The following PTPRD variants were observed in gnomAD, a reference collection of about 807,000 sequenced individuals.
The protein encoded by PTPRD is receptor-type tyrosine-protein phosphatase delta.
A neutral mutation model predicts 214.5 loss-of-function variants in PTPRD; 34 were observed. The observed-to-expected ratio is 0.16, with a 90% CI of 0.12 to 0.21. The LOEUF (loss-of-function observed/expected upper bound fraction) is 0.21. Among genes scored for constraint, PTPRD ranks in the 10% least tolerant of loss-of-function variants. The pLI, the probability that PTPRD is intolerant of heterozygous loss-of-function variation, is 1.00. For missense variants in PTPRD, 2,545 were observed against 2,398.7 expected, an observed-to-expected ratio of 1.06 and a Z score of -1.27; for synonymous variants, 1,128 against 845.7, an observed-to-expected ratio of 1.33 and a Z score of -5.79.
intron 2 of PTPRD, among the ~76,000 whole-genome samples, chr9:10,477,028 C>T (rs533240758): frequency 6.6e-5 from 10 of 152,046 alleles, no homozygotes; most frequent in East Asian, 3.9e-4. Flanking sequence ...CCTTAAAAAC[C>T]GTAGAAGGAA....
rs555074755 is a variant in PTPRD at position 9,234,355 on chromosome 9, G to T, written c.-202-50992C>A. On this transcript the variant is annotated intron_variant, in intron 9 of 45. Transcript: ENST00000381196. ...GATGCATAGAGTGGGCGGGCCCTGG[G>T]CCCAGCCCATGAAACCATTTTTTCC... 2.3e-4 allele frequency among the ~76,000 whole-genome samples: 35 copies of T among 152,234 alleles called. No homozygotes were observed. In the South Asian group the frequency reaches 5.4e-3, roughly 23 times the overall value.
At chr9:8,933,703 C>T (rs2098970071) in intron 11 of PTPRD, among the ~76,000 whole-genome samples, 1 of 152,112 alleles carries the variant, frequency 6.6e-6, no homozygotes, top group African/African-American at 2.4e-5. Context: ...ACCTCTTAGT[C>T]TTTCAGCCAA....
intron 8 of PTPRD, among the ~76,000 whole-genome samples, chr9:9,493,340 A>G (rs2096007326): frequency 6.6e-6 from 1 of 152,154 alleles, no homozygotes; most frequent in Non-Finnish European, 1.5e-5. Flanking sequence ...TTCTTTCCAA[A>G]TATTCTGTTA....
chr9:8,513,508 G>C (rs1396504631), intron 21 of PTPRD, among the ~76,000 whole-genome samples: 1 of 152,086 alleles, frequency 6.6e-6, no homozygotes, highest in South Asian at 2.1e-4. Flanking sequence ...GTACCTTTTA[G>C]ACACAGAAGA....
intron 7 of PTPRD, among the ~76,000 whole-genome samples, chr9:9,702,762 G>A (rs2097528787): frequency 6.6e-6 from 1 of 152,142 alleles, no homozygotes. Flanking sequence ...AAAAAGAGCA[G>A]TAAAGATAAT....
At chr9:10,318,908 A>G (rs1565261821) in intron 3 of PTPRD, among the ~76,000 whole-genome samples, 2 of 152,076 alleles carry the variant, frequency 1.3e-5, no homozygotes, top group African/African-American at 4.8e-5. Flanking sequence ...GATTCTACTC[A>G]TAAGTCTGAA....
chr9:10,214,201 A>G (rs756687310), intron 3 of PTPRD, among the ~76,000 whole-genome samples: 30 of 152,246 alleles, frequency 2.0e-4, no homozygotes, highest in Non-Finnish European at 3.7e-4. Context: ...AAGGCTAGAA[A>G]AATATGGAAA....
At chr9:9,575,793 A>AAAAATAG (rs1338333544) in intron 7 of PTPRD, among the ~76,000 whole-genome samples, 1 of 151,182 alleles carries the variant, frequency 6.6e-6, no homozygotes, top group African/African-American at 2.4e-5. Context: ...AAGAAAAAAA[A>AAAAATAG]AAATAGTTAC....
At chr9:8,727,777 C>G (rs900924860) in intron 12 of PTPRD, among the ~76,000 whole-genome samples, 2 of 152,132 alleles carry the variant, frequency 1.3e-5, no homozygotes, top group South Asian at 2.1e-4. Flanking sequence ...TTCAACCTCC[C>G]AAGTAGCTAG....
chr9:9,462,750 T>A (rs1190903177), intron 8 of PTPRD, among the ~76,000 whole-genome samples: 1 of 152,132 alleles, frequency 6.6e-6, no homozygotes, highest in African/African-American at 2.4e-5. Flanking sequence ...ATGACAGTGC[T>A]CACACTTCGG....
At chr9:9,685,844 A>AT (rs2097157237) in intron 7 of PTPRD, among the ~76,000 whole-genome samples, 1 of 151,424 alleles carries the variant, frequency 6.6e-6, no homozygotes, top group African/African-American at 2.4e-5. Context: ...ACTCTTCATT[A>AT]TTATATACCA....
chr9:10,461,988 T>A (rs1230869568), intron 2 of PTPRD, among the ~76,000 whole-genome samples: 1 of 152,144 alleles, frequency 6.6e-6, no homozygotes, highest in African/African-American at 2.4e-5. Flanking sequence ...AAATACTGGT[T>A]ACCAGGGTCA....
Position 8,475,094 on chromosome 9 carries a change from T to A in PTPRD, c.3414-4009A>T, listed in dbSNP as rs560172680. 1.3e-4 allele frequency among the ~76,000 whole-genome samples: 20 copies of A among 152,246 alleles called. No homozygotes were observed. The South Asian group carries it at 3.3e-3, about 25-fold the overall frequency. ...CTCCTGACTGCCAAAATTCTGCAAATAGCTGTGTGTTCCTGCTGCTCCCAC... is the reference window on the plus strand; with the variant it reads ...CTCCTGACTGCCAAAATTCTGCAAAAAGCTGTGTGTTCCTGCTGCTCCCAC... On this transcript the variant is annotated intron_variant, in intron 30 of 45. Transcript: ENST00000381196.
At chr9:10,480,184 T>C (rs534301934) in intron 2 of PTPRD, among the ~76,000 whole-genome samples, 3 of 152,270 alleles carry the variant, frequency 2.0e-5, no homozygotes, top group African/African-American at 7.2e-5. Context: ...CACACTCAGA[T>C]GATGTCCTAT....
intron 5 of PTPRD, among the ~76,000 whole-genome samples, chr9:9,805,354 G>C (rs1219280112): frequency 3.3e-5 from 5 of 152,076 alleles, no homozygotes; most frequent in African/African-American, 9.7e-5. Flanking sequence ...ATTAATGAGA[G>C]ATTGGGCTGT....
At chr9:9,882,080 A>G (rs1034881188) in intron 5 of PTPRD, among the ~76,000 whole-genome samples, 1 of 152,244 alleles carries the variant, frequency 6.6e-6, no homozygotes, top group South Asian at 2.1e-4. Context: ...ACTAATATAT[A>G]TTAAGATTTC....
intron 7 of PTPRD, among the ~76,000 whole-genome samples, chr9:9,580,565 T>TG (rs2090461848): frequency 1.4e-5 from 2 of 147,974 alleles, no homozygotes; most frequent in Non-Finnish European, 1.5e-5. Flanking sequence ...TTTTTTTTTT[T>TG]TGAGACAGAG....
In PTPRD at chr9:8,389,343, A is replaced by G. The variant is rs75966719; in HGVS notation, c.4275T>C (p.Tyr1425=). Residue 1425 remains tyrosine (Y), a synonymous_variant, in exon 37 of 46, where the codon TAT becomes TAC. Transcript: ENST00000381196. Reference sequence around the variant, plus strand: ...CGGGGAGAGATCCCTGTGTTGCAATATAGGCATTTTGCTTCCTATACCCAT... The same window carrying G: ...CGGGGAGAGATCCCTGTGTTGCAATGTAGGCATTTTGCTTCCTATACCCAT... ...YIDGYRKQNA[Y]IATQGSLPET... The G allele has an allele frequency of 2.7e-3, 4,300 of 1,613,128 alleles. 109 individuals carry two copies. In the African/African-American group the frequency reaches 0.05, roughly 19 times the overall value.
intron 2 of PTPRD, among the ~76,000 whole-genome samples, chr9:10,519,958 T>G (rs1455994919): frequency 6.6e-6 from 1 of 152,024 alleles, no homozygotes; most frequent in African/African-American, 2.4e-5. Flanking sequence ...TTAGCCTAAT[T>G]ACCAAAAACC....
Sources: allele counts gnomAD v4.1 joint callset (sites outside exome capture counted in the v4.1 genomes callset), GRCh38; gene constraint gnomAD v4.1.1; transcripts MANE v1.5; gene names NCBI Gene and HGNC (gene_info 2026-07-23, HGNC 2026-07-21).